The following SUCLG2 variants were observed in gnomAD, a reference collection of about 807,000 sequenced individuals.
SUCLG2 encodes succinate-CoA ligase GDP-forming subunit beta.
Under a neutral mutation model 47.9 loss-of-function variants are expected in SUCLG2, and 42 were observed. The ratio of observed to expected loss-of-function variants is 0.88; its 90% CI spans 0.69 to 1.14. The LOEUF is 1.14. Ranked by LOEUF, SUCLG2 falls within the 50% of genes most tolerant of loss-of-function variation. The pLI, the probability that SUCLG2 is intolerant of heterozygous loss-of-function variation, is 0.00. For missense variants in SUCLG2, 571 were observed against 525.9 expected (o/e 1.09, Z -0.84); for synonymous variants, 195 against 197.3 (o/e 0.99, Z 0.10).
chr3:67,624,308 C>T (rs1280915857), intron 1 of SUCLG2, among the ~76,000 whole-genome samples: 1 of 152,196 alleles, frequency 6.6e-6, no homozygotes, highest in Non-Finnish European at 1.5e-5. Context: ...CTGAGATCAT[C>T]TGACATTTTG....
At chr3:67,565,103 G>A (rs1707414422) in intron 2 of SUCLG2, among the ~76,000 whole-genome samples, 2 of 152,046 alleles carry the variant, frequency 1.3e-5, no homozygotes, top group South Asian at 4.2e-4. Context: ...ATAGTATTTT[G>A]ACAGGGAAAC....
intron 4 of SUCLG2, among the ~76,000 whole-genome samples, chr3:67,524,064 G>A (rs1406069672): frequency 3.9e-5 from 6 of 152,096 alleles, no homozygotes; most frequent in Non-Finnish European, 8.8e-5. Flanking sequence ...GATAATTCAA[G>A]AAATTTTATA....
intron 9 of SUCLG2, chr3:67,408,881 G>A (rs752245480): frequency 5.2e-4 from 770 of 1,472,928 alleles, no homozygotes; most frequent in Non-Finnish European, 6.4e-4. Context: ...GTCCATGTTC[G>A]TTCCACTCCC....
chr3:67,588,012 G>A (rs1708067345), intron 2 of SUCLG2, among the ~76,000 whole-genome samples: 1 of 152,152 alleles, frequency 6.6e-6, no homozygotes, highest in Admixed American at 6.5e-5. Flanking sequence ...GTCACTTAGA[G>A]ACAGGAGAAG....
At chr3:67,632,192 AT>A (rs1014686186) in intron 1 of SUCLG2, among the ~76,000 whole-genome samples, 1 of 151,062 alleles carries the variant, frequency 6.6e-6, no homozygotes, top group African/African-American at 2.4e-5. Context: ...TCCAGAGTTC[AT>A]TTTTTTTTAG....
chr3:67,649,844 G>A (rs1017572047), intron 1 of SUCLG2, among the ~76,000 whole-genome samples: 28 of 152,294 alleles, frequency 1.8e-4, no homozygotes, highest in African/African-American at 6.5e-4. Context: ...ATGATCTGAG[G>A]TTACTTATGT....
intron 9 of SUCLG2, chr3:67,409,007 A>C (rs1559515480): frequency 7.8e-6 from 12 of 1,535,262 alleles, no homozygotes; most frequent in Non-Finnish European, 1.0e-5. Flanking sequence ...TCTGGTGCCC[A>C]AGTATTTCTT....
chr3:67,452,623 G>A (rs7641000), intron 9 of SUCLG2, among the ~76,000 whole-genome samples: 79,207 of 151,932 alleles, frequency 0.52, 21,561 homozygotes, highest in African/African-American at 0.67. Flanking sequence ...TCCACATCCA[G>A]TTTAGCTCTT....
rs1394844340 is a variant in SUCLG2, at chr3:67,621,934, C to T, written c.85-12338G>A. ...ATTATTGACATTTCTGCACATCATT[C>T]CACCACATCAGAGCTGCTGGGCCTT... On this transcript the variant is annotated intron_variant, in intron 1 of 10. Transcript: ENST00000307227. Among the ~76,000 whole-genome samples the T allele has an allele frequency of 2.0e-5, 3 of 152,206 alleles. No individual in the cohort carries two copies. In the South Asian group the frequency reaches 6.2e-4, roughly 31 times the overall value.
chr3:67,537,735 A>G (rs773310448), intron 2 of SUCLG2, among the ~76,000 whole-genome samples: 7 of 152,034 alleles, frequency 4.6e-5, no homozygotes, highest in Non-Finnish European at 1.0e-4. Context: ...AGCATCTATT[A>G]TTTCCTGACT....
intron 9 of SUCLG2, among the ~76,000 whole-genome samples, chr3:67,444,018 T>G (rs1160037650): frequency 9.5e-6 from 1 of 105,178 alleles, no homozygotes; most frequent in Non-Finnish European, 2.0e-5. Flanking sequence ...GGTGGGGGGG[T>G]CAGCCCCCCG....
intron 7 of SUCLG2, among the ~76,000 whole-genome samples, chr3:67,501,104 G>T (rs138738429): frequency 6.6e-6 from 1 of 152,128 alleles, no homozygotes; most frequent in Admixed American, 6.5e-5. Flanking sequence ...TATCTACAAC[G>T]GTCCTGTGCC....
intron 2 of SUCLG2, among the ~76,000 whole-genome samples, chr3:67,566,840 T>C (rs1052769281): frequency 9.2e-5 from 14 of 152,226 alleles, no homozygotes; most frequent in Non-Finnish European, 2.1e-4. Context: ...ATAGATTCCT[T>C]CCATCCTATG....
intron 10 of SUCLG2, among the ~76,000 whole-genome samples, chr3:67,398,125 G>A (rs868363003): frequency 6.7e-6 from 1 of 149,198 alleles, no homozygotes; most frequent in African/African-American, 2.5e-5. Context: ...GACTTCATGT[G>A]TAAAACACCA....
chr3:67,508,316 AGT>A (rs1575742738), intron 7 of SUCLG2, among the ~76,000 whole-genome samples: 1 of 152,188 alleles, frequency 6.6e-6, no homozygotes, highest in East Asian at 1.9e-4. Context: ...ATTACACCCA[AGT>A]GTGTGGCTCC....
intron 1 of SUCLG2, among the ~76,000 whole-genome samples, chr3:67,615,416 G>A (rs962456001): frequency 6.6e-5 from 10 of 151,992 alleles, no homozygotes; most frequent in Non-Finnish European, 1.0e-4. Flanking sequence ...AGGGAAAATC[G>A]TCTACCCACT....
At chr3:67,579,736 C>T (rs1372821164) in intron 2 of SUCLG2, among the ~76,000 whole-genome samples, 1 of 152,076 alleles carries the variant, frequency 6.6e-6, no homozygotes, top group Non-Finnish European at 1.5e-5. Context: ...ATTTTTTAAA[C>T]TTGAACAGGG....
chr3:67,582,249 A>T (rs987662151), intron 2 of SUCLG2, among the ~76,000 whole-genome samples: 1 of 152,086 alleles, frequency 6.6e-6, no homozygotes, highest in Admixed American at 6.5e-5. Flanking sequence ...GTAGTTTTCC[A>T]ATCTTCACCC....
At chr3:67,625,625 C>T (rs1420983128) in intron 1 of SUCLG2, among the ~76,000 whole-genome samples, 1 of 152,162 alleles carries the variant, frequency 6.6e-6, no homozygotes, top group African/African-American at 2.4e-5. Flanking sequence ...GCTCCTGCTG[C>T]CTCTGAAAAC....
Sources: gnomAD v4.1 joint callset for allele counts (sites outside exome capture counted in the v4.1 genomes callset) on GRCh38, gnomAD v4.1.1 for gene constraint, MANE v1.5 for transcripts, NCBI Gene and HGNC (gene_info 2026-07-23, HGNC 2026-07-21) for gene names.